LEPR: variants seen among roughly 807,000 people sequenced by gnomAD.
The protein encoded by LEPR is OB receptor.
LEPR carries 56 observed loss-of-function variants against 114.7 expected under a neutral mutation model. The observed-to-expected ratio is 0.49, with a 90% CI of 0.39 to 0.61. The LOEUF (loss-of-function observed/expected upper bound fraction) is 0.61, where lower values mean the gene tolerates loss of function less well. Ranked by LOEUF, LEPR falls within the 20% of genes least tolerant of loss-of-function variation. LEPR has a pLI of 0.00. For missense variants in LEPR, 1,202 were observed against 1,352.9 expected, an observed-to-expected ratio of 0.89 and a Z score of 1.75; for synonymous variants, 443 against 461.4, an observed-to-expected ratio of 0.96 and a Z score of 0.51.
chr1:65,547,149 G>C (rs906169774), intron 2 of LEPR, among the ~76,000 whole-genome samples: 23 of 151,306 alleles, frequency 1.5e-4, no homozygotes, highest in African/African-American at 5.3e-4. Flanking sequence ...GCATCCCAGG[G>C]ATGAAGCCCA....
intron 11 of LEPR, among the ~76,000 whole-genome samples, chr1:65,606,952 C>CAATCT: frequency 6.6e-6 from 1 of 152,130 alleles, no homozygotes; most frequent in African/African-American, 2.4e-5. Context: ...GAAAGGGAGA[C>CAATCT]TATACCTTTA....
At chr1:65,558,524 A>T in intron 2 of LEPR, among the ~76,000 whole-genome samples, 1 of 24,072 alleles carries the variant, frequency 4.2e-5, no homozygotes, top group Non-Finnish European at 7.7e-5. Flanking sequence ...TTTGAATCAG[A>T]AGTTTTTTTT....
At chr1:65,440,837 T>A (rs753211821) in intron 2 of LEPR, among the ~76,000 whole-genome samples, 50 of 152,244 alleles carry the variant, frequency 3.3e-4, no homozygotes, top group Non-Finnish European at 6.8e-4. Flanking sequence ...TTGCTCTAGC[T>A]GTGTTTTAAT....
rs141910116 is a variant in LEPR, at chr1:65,612,795, T to C, written c.1995+2499T>C. Among the ~76,000 whole-genome samples, 359 of 152,282 alleles carry C rather than the reference T, an allele frequency of 2.4e-3. 2 individuals carry two copies. Among genetic ancestry groups the C allele is most frequent in the African/African-American group, 8.1e-3 (338 of 41,548 alleles). ...TCATGATTAATTTAGGGTTATGGGTTTGGGGGAGGAAGATCACAGATGTAA... is the reference window on the plus strand; with the variant it reads ...TCATGATTAATTTAGGGTTATGGGTCTGGGGGAGGAAGATCACAGATGTAA... On this transcript the variant is annotated intron_variant, in intron 14 of 19. Coordinates refer to ENST00000349533, the MANE Select transcript of LEPR (RefSeq NM_002303.6).
In LEPR at chr1:65,637,359, AACAC is replaced by A. The variant is rs10552268; in HGVS notation, c.*360_*363del. The A allele has an allele frequency of 3.2e-3, 614 of 192,288 alleles. No individual in the cohort carries two copies. The highest frequency in any genetic ancestry group is 0.02 in the East Asian group (136 of 6,900). 11.9% of individuals were successfully genotyped at this position (192,288 alleles called of 1,614,324 possible). On this transcript the variant is annotated 3_prime_UTR_variant, in exon 20 of 20. Transcript: ENST00000349533. ...TTACCTCAAGTTTTTGTTTTGTACC[AACAC>A]ACACACACACACACATTCTTAACAC...
chr1:65,605,290 T>C, intron 11 of LEPR, 53 bp downstream of exon 11: 6 of 1,600,316 alleles, frequency 3.7e-6, no homozygotes, highest in Non-Finnish European at 5.1e-6. Flanking sequence ...TGTATGCAGA[T>C]TGATGCAGAT....
intron 5 of LEPR, 32 bp from the exon 6 acceptor site, chr1:65,592,625 T>G (rs535255100): frequency 1.4e-5 from 22 of 1,608,740 alleles, no homozygotes; most frequent in East Asian, 6.7e-5. Flanking sequence ...TTCATATCTG[T>G]TTTAATATTT....
intron 14 of LEPR, 102 bp from the exon 15 acceptor site, chr1:65,615,906 C>T (rs1657496584): frequency 2.0e-6 from 3 of 1,491,626 alleles, no homozygotes; most frequent in South Asian, 1.2e-5. Flanking sequence ...CTGATCTGGC[C>T]CCTGCCTCCT....
At chr1:65,428,893 G>A (rs1325387715) in intron 2 of LEPR, among the ~76,000 whole-genome samples, 1 of 151,976 alleles carries the variant, frequency 6.6e-6, no homozygotes, top group Admixed American at 6.6e-5. Context: ...TTTTGTTTTT[G>A]CATTACACTA....
intron 2 of LEPR, among the ~76,000 whole-genome samples, chr1:65,483,412 CAAT>C (rs1647317890): frequency 6.6e-6 from 1 of 152,080 alleles, no homozygotes; most frequent in African/African-American, 2.4e-5. Flanking sequence ...TGATGTAGGA[CAAT>C]GAGAACCTTA....
chr1:65,493,753 A>G (rs918588779), intron 2 of LEPR: 3 of 152,086 alleles, frequency 2.0e-5, no homozygotes, highest in Non-Finnish European at 4.4e-5. Flanking sequence ...AGGCTGTGTT[A>G]CTGACTTGTG....
chr1:65,477,678 A>C (rs1426778959), intron 2 of LEPR, among the ~76,000 whole-genome samples: 2 of 152,248 alleles, frequency 1.3e-5, no homozygotes, highest in African/African-American at 4.8e-5. Flanking sequence ...ACCTGCCCTC[A>C]AATGGGTTCA....
intron 2 of LEPR, among the ~76,000 whole-genome samples, chr1:65,524,560 C>T (rs967813024): frequency 6.6e-6 from 1 of 152,148 alleles, no homozygotes; most frequent in Non-Finnish European, 1.5e-5. Context: ...GCCAGGGAGC[C>T]GGGAGTCGTC....
At chr1:65,628,698 G>A (rs1344467293) in intron 19 of LEPR, among the ~76,000 whole-genome samples, 1 of 152,046 alleles carries the variant, frequency 6.6e-6, no homozygotes, top group Non-Finnish European at 1.5e-5. Context: ...CTCTACTGGT[G>A]GATGTTTAAG....
intron 2 of LEPR, among the ~76,000 whole-genome samples, chr1:65,480,342 T>G (rs1235678825): frequency 1.3e-5 from 2 of 152,138 alleles, no homozygotes; most frequent in African/African-American, 2.4e-5. Context: ...TAAGAAATAG[T>G]CTGGCATCCT....
At chr1:65,548,281 TC>T (rs1385108671) in intron 2 of LEPR, among the ~76,000 whole-genome samples, 1 of 152,142 alleles carries the variant, frequency 6.6e-6, no homozygotes, top group African/African-American at 2.4e-5. Context: ...AAATGTATAT[TC>T]TGTTGATTTG....
intron 2 of LEPR, among the ~76,000 whole-genome samples, chr1:65,464,974 A>G (rs1646991661): frequency 2.0e-5 from 3 of 151,692 alleles, no homozygotes; most frequent in African/African-American, 2.4e-5. Flanking sequence ...CAAAAATCCA[A>G]CTCCTGGATT....
intron 14 of LEPR, among the ~76,000 whole-genome samples, chr1:65,613,406 A>C (rs1657300870): frequency 6.6e-6 from 1 of 152,172 alleles, no homozygotes; most frequent in Admixed American, 6.5e-5. Context: ...AAATATTTGC[A>C]AAAACACACA....
intron 2 of LEPR, among the ~76,000 whole-genome samples, chr1:65,462,525 C>T (rs1281488492): frequency 6.6e-6 from 1 of 152,074 alleles, no homozygotes; most frequent in Non-Finnish European, 1.5e-5. Context: ...AGTAATGGGA[C>T]CACTGGGTCA....
Sources: allele counts gnomAD v4.1 joint callset (sites outside exome capture counted in the v4.1 genomes callset), GRCh38; gene constraint gnomAD v4.1.1; transcripts MANE v1.5; gene names NCBI Gene and HGNC (gene_info 2026-07-23, HGNC 2026-07-21).